The following DYNC1I1 variants were observed in gnomAD, a reference collection of about 807,000 sequenced individuals.
The protein encoded by DYNC1I1 is cytoplasmic dynein 1 intermediate chain 1.
In DYNC1I1, 43 loss-of-function variants were observed where a neutral mutation model predicts 86.6. The ratio of observed to expected loss-of-function variants is 0.50; its 90% confidence interval spans 0.39 to 0.64. DYNC1I1 has a LOEUF of 0.64. DYNC1I1 is among the 30% of genes least tolerant of loss of function. The probability of loss-of-function intolerance (pLI) is 0.00; values close to 1 mark genes in which losing one functional copy is unlikely to be tolerated. For synonymous variants in DYNC1I1, 262 were observed against 283.7 expected (o/e 0.92, Z 0.77); for missense variants, 604 against 788.8 (o/e 0.77, Z 2.81).
At chr7:96,109,524 G>T (rs974691077) in intron 16 of DYNC1I1, among the ~76,000 whole-genome samples, 1 of 151,942 alleles carries the variant, frequency 6.6e-6, no homozygotes, top group African/African-American at 2.4e-5. Flanking sequence ...GCAGTTAATG[G>T]TATACATTTC....
At chr7:95,836,064 G>C (rs895835398) in intron 5 of DYNC1I1, among the ~76,000 whole-genome samples, 2 of 152,152 alleles carry the variant, frequency 1.3e-5, no homozygotes, top group African/African-American at 4.8e-5. Flanking sequence ...TTTCTTCCTA[G>C]TCTTGATGGT....
chr7:96,074,839 G>T (rs763556029), intron 14 of DYNC1I1, among the ~76,000 whole-genome samples: 8 of 152,152 alleles, frequency 5.3e-5, no homozygotes, highest in Non-Finnish European at 1.2e-4. Context: ...GGATTTGATT[G>T]TTCATATTGC....
intron 6 of DYNC1I1, among the ~76,000 whole-genome samples, chr7:95,906,092 T>C (rs967672783): frequency 1.3e-5 from 2 of 152,206 alleles, no homozygotes; most frequent in Non-Finnish European, 2.9e-5. Context: ...GTTTCAAGTT[T>C]TCTGATAGAC....
chr7:96,041,668 T>C (rs1789056848), intron 14 of DYNC1I1, among the ~76,000 whole-genome samples: 1 of 152,198 alleles, frequency 6.6e-6, no homozygotes, highest in Non-Finnish European at 1.5e-5. Flanking sequence ...GACTTCTATG[T>C]TCTATTATGG....
intron 6 of DYNC1I1, among the ~76,000 whole-genome samples, chr7:95,880,906 T>C (rs1790440301): frequency 2.0e-5 from 3 of 152,018 alleles, no homozygotes; most frequent in Non-Finnish European, 4.4e-5. Context: ...CAGCCTCCCA[T>C]AACTTGCATT....
At chr7:95,803,811 T>C (rs1444385015) in intron 1 of DYNC1I1, among the ~76,000 whole-genome samples, 2 of 152,218 alleles carry the variant, frequency 1.3e-5, no homozygotes, top group Non-Finnish European at 2.9e-5. Flanking sequence ...GTTTCCATTT[T>C]GTTAGTTTTC....
At chr7:96,067,777 T>C (rs966747624) in intron 14 of DYNC1I1, among the ~76,000 whole-genome samples, 3 of 152,190 alleles carry the variant, frequency 2.0e-5, no homozygotes, top group Admixed American at 2.0e-4. Context: ...TTTGCTCCTT[T>C]AACCAGAGTG....
At chr7:96,100,991 G>C (rs1262979246), downstream of DYNC1I1, among the ~76,000 whole-genome samples, 1 of 152,184 alleles carries the variant, frequency 6.6e-6, no homozygotes, top group Non-Finnish European at 1.5e-5. Context: ...TTTAGCAGTA[G>C]CTTTCCTTTG....
chr7:95,896,821 T>C (rs1461268745), intron 6 of DYNC1I1, among the ~76,000 whole-genome samples: 1 of 152,226 alleles, frequency 6.6e-6, no homozygotes, highest in Non-Finnish European at 1.5e-5. Flanking sequence ...GTTTATGTTT[T>C]ATTTATCCCC....
At position 96,080,511 on chromosome 7, in the gene DYNC1I1, G is replaced by C. The variant is rs541509134; in HGVS notation, c.1776+23G>C. On this transcript the variant is annotated intron_variant, in intron 16 of 16. Coordinates refer to ENST00000447467, the MANE Select transcript of DYNC1I1 (RefSeq NM_001135556.2). ...GAGGTACGTGTGTATTTGTGTTGTTGTTACTGTTTTGACTTGTGTATCTAC... is the reference window on the plus strand; with the variant it reads ...GAGGTACGTGTGTATTTGTGTTGTTCTTACTGTTTTGACTTGTGTATCTAC... 6 of 1,614,070 alleles carry C rather than the reference G, an allele frequency of 3.7e-6. No homozygotes were observed. In the Admixed American group the frequency reaches 6.7e-5, roughly 18 times the overall value.
chr7:95,785,735 GTA>G (rs142086688), intron 1 of DYNC1I1, among the ~76,000 whole-genome samples: 7 of 134,984 alleles, frequency 5.2e-5, no homozygotes, highest in Admixed American at 2.3e-4. Flanking sequence ...GTGTGTGTAT[GTA>G]TATATATATG....
At chr7:96,026,865 C>T (rs1794694723) in intron 10 of DYNC1I1, among the ~76,000 whole-genome samples, 1 of 152,154 alleles carries the variant, frequency 6.6e-6, no homozygotes. Context: ...TTCCATCTAT[C>T]CCCCTCACAC....
chr7:95,785,654 T>G (rs1249095542), intron 1 of DYNC1I1, among the ~76,000 whole-genome samples: 3 of 151,276 alleles, frequency 2.0e-5, no homozygotes, highest in Non-Finnish European at 4.4e-5. Context: ...CATATACATA[T>G]ATATTGTATA....
chr7:96,021,198 A>T (rs1794540829), intron 10 of DYNC1I1, among the ~76,000 whole-genome samples: 1 of 152,212 alleles, frequency 6.6e-6, no homozygotes, highest in Non-Finnish European at 1.5e-5. Flanking sequence ...CACAATTTTA[A>T]AAATAAATAA....
At chr7:95,778,095 GT>G (rs1227152674) in intron 1 of DYNC1I1, among the ~76,000 whole-genome samples, 1 of 152,188 alleles carries the variant, frequency 6.6e-6, no homozygotes, top group Non-Finnish European at 1.5e-5. Flanking sequence ...ACAAAGGGAT[GT>G]TTTTATATCT....
chr7:96,018,432 A>G (rs1408572003), intron 10 of DYNC1I1, among the ~76,000 whole-genome samples: 1 of 152,158 alleles, frequency 6.6e-6, no homozygotes. Context: ...ATATAGGCAA[A>G]ATTACCCACC....
intron 1 of DYNC1I1, among the ~76,000 whole-genome samples, chr7:95,796,370 C>T (rs575876510): frequency 1.3e-5 from 2 of 152,128 alleles, no homozygotes; most frequent in South Asian, 2.1e-4. Context: ...AGTGCAATGG[C>T]GCGATCTTGG....
chr7:95,885,361 G>A (rs542983425), intron 6 of DYNC1I1, among the ~76,000 whole-genome samples: 2 of 152,270 alleles, frequency 1.3e-5, no homozygotes, highest in Admixed American at 6.5e-5. Context: ...ATTTTTAGCA[G>A]AGATGGGGTT....
intron 6 of DYNC1I1, among the ~76,000 whole-genome samples, chr7:95,882,738 A>C (rs941485777): frequency 2.6e-5 from 4 of 152,216 alleles, no homozygotes; most frequent in African/African-American, 9.6e-5. Flanking sequence ...GTACAGCGAA[A>C]TTTGAAGAGG....
Sources: gnomAD v4.1 joint callset for allele counts (sites outside exome capture counted in the v4.1 genomes callset) on GRCh38, gnomAD v4.1.1 for gene constraint, MANE v1.5 for transcripts, NCBI Gene and HGNC (gene_info 2026-07-23, HGNC 2026-07-21) for gene names.